FNDC3A: variants seen among roughly 807,000 people sequenced by gnomAD.
FNDC3A encodes the protein fibronectin type III domain containing 3A, also known as fibronectin type-III domain-containing protein 3A.
FNDC3A carries 32 observed loss-of-function variants against 148.9 expected under a neutral mutation model. That is an observed-to-expected ratio of 0.21 (90% CI 0.16 to 0.29). The LOEUF (loss-of-function observed/expected upper bound fraction) is 0.29. FNDC3A is among the 10% of genes least tolerant of loss of function. The pLI is 1.00. For synonymous variants in FNDC3A, 472 were observed against 473.6 expected (o/e 1.00, Z 0.04); for missense variants, 1,191 against 1,452.8 (o/e 0.82, Z 2.93).
At chr13:49,188,939 G>A (rs192887684) in intron 17 of FNDC3A, among the ~76,000 whole-genome samples, 86 of 152,284 alleles carry the variant, frequency 5.6e-4, no homozygotes, top group African/African-American at 2.0e-3. Context: ...ACTAAGCAGA[G>A]ATAGAAATAA....
intron 1 of FNDC3A, among the ~76,000 whole-genome samples, chr13:48,991,659 G>A (rs897768859): frequency 1.3e-5 from 2 of 151,800 alleles, no homozygotes; most frequent in East Asian, 3.9e-4. Flanking sequence ...CTGCACTCCA[G>A]CCTGAGTGAC....
In FNDC3A at chr13:48,995,574, A is replaced by G. The variant is rs566871477; in HGVS notation, c.-39-10578A>G. Among the ~76,000 whole-genome samples, 11 of 152,252 alleles carry G rather than the reference A, an allele frequency of 7.2e-5. No homozygotes were observed. In the South Asian group the frequency reaches 1.4e-3, roughly 20 times the overall value. On this transcript the variant is annotated intron_variant, in intron 1 of 25. Transcript: ENST00000492622. ...CTTCTCACTTTCTCTACCAATATAC[A>G]TTTCTATTATAAATATAGAAGATAA... is the stretch of plus-strand genomic sequence containing the variant.
At chr13:49,131,046 A>C in intron 4 of FNDC3A, 91 bp from the exon 5 acceptor site, 1 of 972,944 alleles carries the variant, frequency 1.0e-6, no homozygotes, top group Non-Finnish European at 1.6e-6. Flanking sequence ...GACTAGAGGC[A>C]TGAGCTACCG....
chr13:49,024,700 A>C (rs1476641273), intron 2 of FNDC3A, among the ~76,000 whole-genome samples: 1 of 151,928 alleles, frequency 6.6e-6, no homozygotes, highest in Non-Finnish European at 1.5e-5. Context: ...TTAAAAAAAA[A>C]CCCTCAATAA....
chr13:49,096,180 A>G (rs1879513570), intron 3 of FNDC3A, among the ~76,000 whole-genome samples: 1 of 152,242 alleles, frequency 6.6e-6, no homozygotes, highest in African/African-American at 2.4e-5. Flanking sequence ...CAAACATGTC[A>G]CCATTAACCA....
intron 4 of FNDC3A, among the ~76,000 whole-genome samples, chr13:49,115,880 C>G (rs1316848905): frequency 1.3e-5 from 2 of 152,214 alleles, no homozygotes. Flanking sequence ...TCTTTGACCT[C>G]TAAAAATTTG....
intron 2 of FNDC3A, chr13:49,044,731 G>A: frequency 2.6e-6 from 1 of 384,708 alleles, no homozygotes; most frequent in Non-Finnish European, 5.2e-6. Context: ...AACAGAACAA[G>A]ATATAGCAAT....
intron 1 of FNDC3A, among the ~76,000 whole-genome samples, chr13:48,981,942 G>A (rs1222339566): frequency 6.6e-6 from 1 of 151,948 alleles, no homozygotes; most frequent in East Asian, 1.9e-4. Flanking sequence ...CTTCAGTGAG[G>A]GATTACTTTA....
chr13:49,111,187 TAAA>T (rs1253425472), intron 3 of FNDC3A, among the ~76,000 whole-genome samples: 1 of 152,222 alleles, frequency 6.6e-6, no homozygotes, highest in Non-Finnish European at 1.5e-5. Context: ...CTTTCTAAAT[TAAA>T]AAGTATTGTT....
intron 2 of FNDC3A, among the ~76,000 whole-genome samples, chr13:49,026,287 ACT>A (rs1475952759): frequency 1.3e-5 from 2 of 152,186 alleles, no homozygotes; most frequent in African/African-American, 4.8e-5. Flanking sequence ...AGAATGATAC[ACT>A]CCAAGTTCGG....
chr13:49,019,492 G>A (rs982498413), intron 2 of FNDC3A, among the ~76,000 whole-genome samples: 8 of 152,094 alleles, frequency 5.3e-5, no homozygotes, highest in East Asian at 1.9e-4. Flanking sequence ...ACTGACCTGC[G>A]CCCACTGTCT....
chr13:49,011,917 T>C (rs1566189266), intron 2 of FNDC3A, among the ~76,000 whole-genome samples: 1 of 152,222 alleles, frequency 6.6e-6, no homozygotes, highest in Non-Finnish European at 1.5e-5. Flanking sequence ...CAAAATCTAC[T>C]GGAGTTGATT....
At position 49,051,589 on chromosome 13, in the gene FNDC3A, C is replaced by T. The variant is rs188628849; in HGVS notation, c.100-23700C>T. ...TTTACAGGTTACCTGATGCTTTTGC[C>T]TCACAGCTCTTAAGATTCTTTCCTT... is the stretch of plus-strand genomic sequence containing the variant. On this transcript the variant is annotated intron_variant, in intron 2 of 25. Transcript: ENST00000492622. Among the ~76,000 whole-genome samples the T allele has an allele frequency of 2.3e-4, 35 of 152,260 alleles. No individual in the cohort carries two copies. The East Asian group carries it at 4.2e-3, about 18-fold the overall frequency.
In FNDC3A at chr13:49,085,854, A is replaced by G. The variant is rs575948595; in HGVS notation, c.175+10490A>G. ...ACGGAGATGTCAAAGGAGGGTTAGG[A>G]GTGATCAGTTTCCCATCCATCCTTT... On this transcript the variant is annotated intron_variant, in intron 3 of 25. Transcript: ENST00000492622. Among the ~76,000 whole-genome samples, 75 of 150,552 alleles carry G rather than the reference A, an allele frequency of 5.0e-4. 2 individuals carry two copies. In the South Asian group the frequency reaches 0.015, roughly 31 times the overall value.
chr13:49,139,624 A>G (rs1473216911), intron 7 of FNDC3A, among the ~76,000 whole-genome samples: 1 of 152,192 alleles, frequency 6.6e-6, no homozygotes, highest in Admixed American at 6.5e-5. Flanking sequence ...CAACTCCCAA[A>G]TAATAGATTT....
chr13:49,074,575 A>G (rs987186168), intron 2 of FNDC3A, among the ~76,000 whole-genome samples: 3 of 152,212 alleles, frequency 2.0e-5, no homozygotes, highest in African/African-American at 7.2e-5. Context: ...CGTTTATGGT[A>G]TAATCTTTTG....
chr13:49,046,004 G>T, intron 2 of FNDC3A: 1 of 173,308 alleles, frequency 5.8e-6, no homozygotes, highest in Non-Finnish European at 1.2e-5. Context: ...CCACAGGGTT[G>T]AAGCTAATAT....
chr13:49,071,565 C>T (rs1181887609), intron 2 of FNDC3A, among the ~76,000 whole-genome samples: 1 of 152,110 alleles, frequency 6.6e-6, no homozygotes, highest in East Asian at 1.9e-4. Context: ...TTTGTAATAG[C>T]CATTCTGACT....
intron 11 of FNDC3A, 26 bp downstream of exon 11, chr13:49,172,122 G>C (rs1163104686): frequency 6.9e-7 from 1 of 1,445,654 alleles, no homozygotes; most frequent in African/African-American, 1.4e-5. Context: ...CTTTTTAAAT[G>C]GTTAACATTA....
Sources: gnomAD v4.1 joint callset for allele counts (sites outside exome capture counted in the v4.1 genomes callset) on GRCh38, gnomAD v4.1.1 for gene constraint, MANE v1.5 for transcripts, NCBI Gene and HGNC (gene_info 2026-07-23, HGNC 2026-07-21) for gene names.